Variants in PTPRD observed in about 807,000 individuals in gnomAD.
PTPRD encodes protein tyrosine phosphatase receptor type D.
A neutral mutation model predicts 214.5 loss-of-function variants in PTPRD; 34 were observed. That is an observed-to-expected ratio of 0.16 (90% confidence interval 0.12 to 0.21). The LOEUF (loss-of-function observed/expected upper bound fraction) is 0.21, where lower values mean the gene tolerates loss of function less well. PTPRD is among the 10% of genes least tolerant of loss of function. The pLI is 1.00. For synonymous variants in PTPRD, 1,128 were observed against 845.7 expected, an observed-to-expected ratio of 1.33 and a Z score of -5.79; for missense variants, 2,545 against 2,398.7, an observed-to-expected ratio of 1.06 and a Z score of -1.27.
chr9:10,133,735 T>C (rs1406272376), intron 3 of PTPRD, among the ~76,000 whole-genome samples: 1 of 152,150 alleles, frequency 6.6e-6, no homozygotes, highest in African/African-American at 2.4e-5. Context: ...TTTTAAATAA[T>C]TTTTGAATGA....
chr9:8,642,377 G>C (rs1353338138), intron 12 of PTPRD, among the ~76,000 whole-genome samples: 1 of 152,076 alleles, frequency 6.6e-6, no homozygotes, highest in Non-Finnish European at 1.5e-5. Flanking sequence ...TGTTTTTAAA[G>C]GGCTGTTTGT....
intron 11 of PTPRD, among the ~76,000 whole-genome samples, chr9:8,781,094 T>A (rs973517498): frequency 1.3e-5 from 2 of 151,412 alleles, no homozygotes; most frequent in Non-Finnish European, 2.9e-5. Flanking sequence ...ACCAACCACT[T>A]TTTTTTTTCC....
intron 12 of PTPRD, among the ~76,000 whole-genome samples, chr9:8,658,505 T>C (rs1565056918): frequency 6.6e-6 from 1 of 152,120 alleles, no homozygotes; most frequent in African/African-American, 2.4e-5. Flanking sequence ...TATTTTTCTA[T>C]TAGTACCAGT....
intron 3 of PTPRD, among the ~76,000 whole-genome samples, chr9:10,123,107 C>T (rs775256488): frequency 1.3e-5 from 2 of 152,184 alleles, no homozygotes; most frequent in Non-Finnish European, 2.9e-5. Flanking sequence ...TTTAATGCAA[C>T]GAACAGCAAA....
intron 9 of PTPRD, among the ~76,000 whole-genome samples, chr9:9,214,814 T>C (rs1235165809): frequency 1.3e-5 from 2 of 152,202 alleles, no homozygotes; most frequent in Non-Finnish European, 2.9e-5. Flanking sequence ...TTAACTCATG[T>C]AGTTGTCTCA....
chr9:8,418,828 T>C (rs1264582291), intron 35 of PTPRD, among the ~76,000 whole-genome samples: 2 of 152,130 alleles, frequency 1.3e-5, no homozygotes, highest in Non-Finnish European at 2.9e-5. Context: ...ACCATTCAAG[T>C]TGTACAACTT....
chr9:8,510,223 G>C (rs926810658), intron 21 of PTPRD, among the ~76,000 whole-genome samples: 1 of 152,176 alleles, frequency 6.6e-6, no homozygotes, highest in East Asian at 1.9e-4. Context: ...GTCCAGGAGC[G>C]TGAGGCTACA....
chr9:9,363,717 T>C (rs1205354434), intron 9 of PTPRD, among the ~76,000 whole-genome samples: 1 of 151,338 alleles, frequency 6.6e-6, no homozygotes, highest in East Asian at 2.0e-4. Context: ...GTGACCACTC[T>C]AGATTCTCTA....
intron 3 of PTPRD, among the ~76,000 whole-genome samples, chr9:10,258,084 T>C (rs2093418451): frequency 6.6e-6 from 1 of 152,162 alleles, no homozygotes; most frequent in Admixed American, 6.5e-5. Context: ...TTTCCTTAAT[T>C]CTAGCCATCC....
At chr9:9,741,004 A>G (rs1002613736) in intron 6 of PTPRD, among the ~76,000 whole-genome samples, 3 of 152,242 alleles carry the variant, frequency 2.0e-5, no homozygotes, top group African/African-American at 4.8e-5. Flanking sequence ...GCGATTTGAG[A>G]GACTTGATAA....
intron 7 of PTPRD, among the ~76,000 whole-genome samples, chr9:9,609,511 A>G (rs10977875): frequency 0.26 from 39,440 of 152,092 alleles, 5,357 homozygotes; most frequent in Non-Finnish European, 0.28. Flanking sequence ...AGCCCAGGGT[A>G]GAGTGCAGTG....
intron 2 of PTPRD, among the ~76,000 whole-genome samples, chr9:10,515,264 G>A (rs2049660479): frequency 1.3e-5 from 2 of 151,914 alleles, no homozygotes; most frequent in Non-Finnish European, 2.9e-5. Flanking sequence ...CATGAACTAT[G>A]AGAAAAGAAG....
At chr9:8,972,620 T>C (rs1274922242) in intron 11 of PTPRD, among the ~76,000 whole-genome samples, 2 of 151,972 alleles carry the variant, frequency 1.3e-5, no homozygotes, top group Admixed American at 6.6e-5. Flanking sequence ...ACCTTGATAT[T>C]AATATGCATT....
intron 7 of PTPRD, among the ~76,000 whole-genome samples, chr9:9,701,832 G>A (rs962218785): frequency 6.6e-6 from 1 of 152,036 alleles, no homozygotes; most frequent in African/African-American, 2.4e-5. Flanking sequence ...GAAAACTAAA[G>A]TATTGGCCAG....
At chr9:9,443,445 G>A (rs896517813) in intron 8 of PTPRD, among the ~76,000 whole-genome samples, 2 of 152,136 alleles carry the variant, frequency 1.3e-5, no homozygotes, top group African/African-American at 2.4e-5. Flanking sequence ...GTTTTTGGTC[G>A]CTTTGAATCC....
chr9:9,444,971 A>G (rs1400231576), intron 8 of PTPRD, among the ~76,000 whole-genome samples: 1 of 152,136 alleles, frequency 6.6e-6, no homozygotes, highest in Non-Finnish European at 1.5e-5. Context: ...TTCTTGCTCT[A>G]TTATGTGTAT....
chr9:10,036,616 G>T (rs1022195472), intron 3 of PTPRD, among the ~76,000 whole-genome samples: 2 of 151,598 alleles, frequency 1.3e-5, no homozygotes, highest in African/African-American at 2.4e-5. Context: ...AACGGAGCCT[G>T]GTTCTGTCAC....
intron 8 of PTPRD, among the ~76,000 whole-genome samples, chr9:9,457,645 T>C (rs544868961): frequency 6.6e-6 from 1 of 152,224 alleles, no homozygotes; most frequent in Non-Finnish European, 1.5e-5. Flanking sequence ...TAGAGACATG[T>C]TCCAATATAC....
intron 14 of PTPRD, among the ~76,000 whole-genome samples, chr9:8,538,467 T>G (rs2077483391): frequency 6.6e-6 from 1 of 151,836 alleles, no homozygotes; most frequent in African/African-American, 2.4e-5. Context: ...TTCAATGTGG[T>G]TTCTTCACCA....
Sources: gnomAD v4.1 joint callset for allele counts (sites outside exome capture counted in the v4.1 genomes callset) on GRCh38, gnomAD v4.1.1 for gene constraint, MANE v1.5 for transcripts, NCBI Gene and HGNC (gene_info 2026-07-23, HGNC 2026-07-21) for gene names.